The following NRXN1 variants were observed in gnomAD, a reference collection of about 807,000 sequenced individuals.
NRXN1 encodes neurexin 1.
Under a neutral mutation model 150.9 loss-of-function variants are expected in NRXN1, and 39 were observed. The observed-to-expected ratio is 0.26, with a 90% CI of 0.20 to 0.34. NRXN1 has a LOEUF of 0.34. Ranked by LOEUF, NRXN1 falls within the 10% of genes least tolerant of loss-of-function variation. The pLI is 1.00. For missense variants in NRXN1, 1,815 were observed against 1,949.9 expected (o/e 0.93, Z 1.30); for synonymous variants, 924 against 757.0 (o/e 1.22, Z -3.62).
chr2:50,517,877 T>C (rs78373733), intron 12 of NRXN1, among the ~76,000 whole-genome samples: 165 of 152,276 alleles, frequency 1.1e-3, no homozygotes, highest in African/African-American at 3.9e-3. Context: ...TCCTAAATGA[T>C]AGCAAACTTA....
chr2:50,257,704 T>A (rs1323874375), intron 17 of NRXN1, among the ~76,000 whole-genome samples: 1 of 152,000 alleles, frequency 6.6e-6, no homozygotes, highest in East Asian at 1.9e-4. Flanking sequence ...TAAAGAAAAG[T>A]GTAATGTATT....
At chr2:50,296,518 C>CTATTATTATTAT (rs70946899) in intron 17 of NRXN1, among the ~76,000 whole-genome samples, 198 of 148,038 alleles carry the variant, frequency 1.3e-3, no homozygotes, top group Admixed American at 2.8e-3. Flanking sequence ...TGCTTAGCTT[C>CTATTATTATTAT]TATTATTATT....
At chr2:50,183,636 A>G (rs1411098768) in intron 18 of NRXN1, among the ~76,000 whole-genome samples, 2 of 150,538 alleles carry the variant, frequency 1.3e-5, no homozygotes, top group Non-Finnish European at 3.0e-5. Flanking sequence ...ATATCTGGCA[A>G]TATCTAAAAG....
chr2:50,078,871 T>C (rs1236385833), intron 19 of NRXN1, among the ~76,000 whole-genome samples: 2 of 152,118 alleles, frequency 1.3e-5, no homozygotes, highest in Admixed American at 6.5e-5. Context: ...TTACTACTTT[T>C]ACTTGGAGGA....
rs150819418 is a variant in NRXN1, at chr2:50,962,924, C to T, written c.773-36969G>A. On this transcript the variant is annotated intron_variant, in intron 2 of 22. Coordinates refer to ENST00000401669, the MANE Select transcript of NRXN1 (RefSeq NM_001330078.2). The stretch of plus-strand genomic sequence containing the variant: ...AAGAAAGCATTCTGAAAAATACAGC[C>T]AAGATCATCAGAATTGTGCAAAAAT... Among the ~76,000 whole-genome samples the T allele has an allele frequency of 3.0e-4, 45 of 151,630 alleles. 1 individual carries two copies. The highest frequency in any genetic ancestry group is 1.1e-3 in the African/African-American group (44 of 41,472).
chr2:50,437,458 G>A (rs954379276), intron 17 of NRXN1, among the ~76,000 whole-genome samples: 9 of 152,126 alleles, frequency 5.9e-5, no homozygotes, highest in Non-Finnish European at 1.0e-4. Context: ...ACCTAAAGCC[G>A]TATCTGTTTT....
chr2:50,089,329 A>G (rs1699234966), intron 19 of NRXN1, among the ~76,000 whole-genome samples: 1 of 152,236 alleles, frequency 6.6e-6, no homozygotes. Flanking sequence ...ACAGCTGACA[A>G]CATCCCATGA....
At chr2:50,396,039 A>C (rs2082032308) in intron 17 of NRXN1, among the ~76,000 whole-genome samples, 1 of 152,168 alleles carries the variant, frequency 6.6e-6, no homozygotes, top group South Asian at 2.1e-4. Context: ...TGAATTACTA[A>C]AATTTAGTTT....
At chr2:50,214,853 T>C (rs1486780396) in intron 18 of NRXN1, among the ~76,000 whole-genome samples, 1 of 152,026 alleles carries the variant, frequency 6.6e-6, no homozygotes, top group Admixed American at 6.6e-5. Flanking sequence ...TTTCATTCGA[T>C]CTTCAGAATA....
chr2:49,923,033 T>C (rs1301774207), intron 22 of NRXN1, among the ~76,000 whole-genome samples: 1 of 152,176 alleles, frequency 6.6e-6, no homozygotes, highest in Non-Finnish European at 1.5e-5. Context: ...GCTAGTCTAG[T>C]TTTATTCAAC....
intron 5 of NRXN1, among the ~76,000 whole-genome samples, chr2:50,794,900 T>C (rs1360782436): frequency 1.3e-5 from 2 of 152,078 alleles, no homozygotes; most frequent in East Asian, 3.9e-4. Flanking sequence ...ACAGTGAAAA[T>C]ATAATTAGAC....
rs551014826 is a variant in NRXN1, at chr2:50,526,093, A to C, written c.2374+2532T>G. ...ATGTATATTTTCCATATAAAGTACA[A>C]ATGCTGTAAACTTGGCGGTGGGGTA... On this transcript the variant is annotated intron_variant, in intron 12 of 22. Transcript: ENST00000401669. 5.3e-5 allele frequency among the ~76,000 whole-genome samples: 8 copies of C among 152,320 alleles called. No homozygotes were observed. The East Asian group carries it at 1.5e-3, about 29-fold the overall frequency.
chr2:50,192,253 A>AT (rs2061490528), intron 18 of NRXN1, among the ~76,000 whole-genome samples: 1 of 152,130 alleles, frequency 6.6e-6, no homozygotes, highest in Non-Finnish European at 1.5e-5. Flanking sequence ...AGAAAATAGT[A>AT]TTTTTCATAG....
Position 49,922,077 on chromosome 2 carries a change from T to C in NRXN1, c.4391A>G (p.His1464Arg). ...KYRNRDEGSY[H>R]VDESRNYISN... is the part of the protein sequence containing the mutation. ...GATGTAGTTTCGACTCTCGTCCACATGGTATGAGCCTTCATCCCGGTTTCT... is the reference window on the plus strand; with the variant it reads ...GATGTAGTTTCGACTCTCGTCCACACGGTATGAGCCTTCATCCCGGTTTCT... The change falls in exon 23 of 23, where the codon CAT becomes CGT. Residue 1464 changes from histidine (H) to arginine (R), a missense_variant. Coordinates refer to ENST00000401669, the MANE Select transcript of NRXN1 (RefSeq NM_001330078.2). 8 of 1,614,158 alleles carry C rather than the reference T, an allele frequency of 5.0e-6. No individual in the cohort carries two copies. Among genetic ancestry groups the C allele is most frequent in the Non-Finnish European group, 5.1e-6 (6 of 1,180,026 alleles).
chr2:50,978,504 G>A (rs1437212165), intron 2 of NRXN1, among the ~76,000 whole-genome samples: 1 of 151,114 alleles, frequency 6.6e-6, no homozygotes, highest in African/African-American at 2.4e-5. Flanking sequence ...TCTCTTACCA[G>A]ATATCTAATC....
intron 18 of NRXN1, among the ~76,000 whole-genome samples, chr2:50,176,756 T>C (rs1467064737): frequency 3.3e-5 from 5 of 152,094 alleles, no homozygotes; most frequent in Non-Finnish European, 7.4e-5. Context: ...ATATCAAAAA[T>C]TGGGGACCTT....
chr2:50,152,599 A>G (rs1191439593), intron 18 of NRXN1, among the ~76,000 whole-genome samples: 2 of 151,794 alleles, frequency 1.3e-5, no homozygotes, highest in Non-Finnish European at 2.9e-5. Context: ...TTCTTGGTTC[A>G]CAGTTTTGTT....
intron 5 of NRXN1, among the ~76,000 whole-genome samples, chr2:50,799,161 T>C (rs1000460568): frequency 4.6e-5 from 7 of 152,214 alleles, no homozygotes; most frequent in African/African-American, 1.2e-4. Flanking sequence ...TGTTCATTTA[T>C]ATATGCCGTG....
At chr2:50,820,998 G>A (rs1363837301) in intron 5 of NRXN1, among the ~76,000 whole-genome samples, 1 of 152,124 alleles carries the variant, frequency 6.6e-6, no homozygotes, top group Non-Finnish European at 1.5e-5. Flanking sequence ...AATTAAGCAG[G>A]TGTGAGATTT....
Sources: gnomAD v4.1 joint callset for allele counts (sites outside exome capture counted in the v4.1 genomes callset) on GRCh38, gnomAD v4.1.1 for gene constraint, MANE v1.5 for transcripts, NCBI Gene and HGNC (gene_info 2026-07-23, HGNC 2026-07-21) for gene names.